ELMO2: variants seen among roughly 807,000 people sequenced by gnomAD.
ELMO2 encodes the protein engulfment and cell motility protein 2.
ELMO2 carries 37 observed loss-of-function variants against 96.2 expected under a neutral mutation model. The ratio of observed to expected loss-of-function variants is 0.38; its 90% confidence interval spans 0.30 to 0.51. The LOEUF is 0.51. Among genes scored for constraint, ELMO2 ranks in the 20% least tolerant of loss-of-function variants. The probability of loss-of-function intolerance (pLI) is 0.88; values close to 1 mark genes in which losing one functional copy is unlikely to be tolerated. For synonymous variants in ELMO2, 315 were observed against 329.4 expected (o/e 0.96, Z 0.47); for missense variants, 561 against 912.6 (o/e 0.61, Z 4.96).
chr20:46,395,847 C>T (rs556788611), intron 2 of ELMO2, among the ~76,000 whole-genome samples: 28 of 152,320 alleles, frequency 1.8e-4, no homozygotes, highest in African/African-American at 6.0e-4. Flanking sequence ...TTGTGTCCTC[C>T]CAGCAGCCCC....
chr20:46,378,545 G>A (rs1181268012), intron 11 of ELMO2, among the ~76,000 whole-genome samples: 1 of 152,202 alleles, frequency 6.6e-6, no homozygotes, highest in Non-Finnish European at 1.5e-5. Flanking sequence ...GTGTACTCCT[G>A]TCACTTGTGG....
At chr20:46,405,307 G>A (rs1272517389) in intron 1 of ELMO2, among the ~76,000 whole-genome samples, 1 of 152,200 alleles carries the variant, frequency 6.6e-6, no homozygotes, top group African/African-American at 2.4e-5. Flanking sequence ...CTTAAGCGGA[G>A]ATCTGAAGGA....
In ELMO2 at chr20:46,376,659, C is replaced by T. The variant is rs775193482; in HGVS notation, c.808-869G>A. 10 of 1,289,598 alleles carry T rather than the reference C, an allele frequency of 7.8e-6. No individual in the cohort carries two copies. In the South Asian group the frequency reaches 1.2e-4, roughly 16 times the overall value. The allele number at this position is 1,289,598 out of a possible 1,614,324, so 79.9% of individuals were successfully genotyped here. A position where few individuals can be genotyped will look rare whatever the true frequency, so the allele number is the denominator to read the frequency against. ...TCCTCACTCCCACAATATCCTGCTT[C>T]CCTTCTTGCTCCCTTGTATTTGTCA... is the stretch of plus-strand genomic sequence containing the variant. On this transcript the variant is annotated intron_variant, in intron 11 of 21. Transcript: ENST00000290246.
chr20:46,373,609 T>G, intron 15 of ELMO2, 74 bp from the exon 16 acceptor site: 1 of 1,572,758 alleles, frequency 6.4e-7, no homozygotes. Context: ...TCTGGAAACT[T>G]TGCACCAAAG....
chr20:46,367,360 T>C lies in ELMO2; in HGVS notation c.2163A>G (p.Ter721TrpextTer40). ...SSYDFVYHYG[*>W] is the part of the protein sequence containing the mutation. ...GGTACCGTCGTTTCTGGCTCCAGGC[T>C]CAGCCATAGTGATAGACAAAGTCAT... The change falls in exon 22 of 22, where the codon TGA (stop) becomes TGG (tryptophan). Residue 721 changes from the stop codon to tryptophan (W), a stop_lost. Transcript: ENST00000290246. The C allele has an allele frequency of 6.6e-7, 1 of 1,524,296 alleles. No homozygotes were observed. Among genetic ancestry groups the C allele is most frequent in the Non-Finnish European group, 8.8e-7 (1 of 1,135,368 alleles). The allele number at this position is 1,524,296 out of a possible 1,614,324, so 94.4% of individuals were successfully genotyped here.
At chr20:46,373,205 A>C in intron 16 of ELMO2, 194 bp downstream of exon 16, 3 of 657,576 alleles carry the variant, frequency 4.6e-6, no homozygotes, top group Middle Eastern at 4.3e-4. Flanking sequence ...ACCAAGTGGA[A>C]GACAAGCTCA....
At chr20:46,389,708 G>A (rs894470846) in intron 6 of ELMO2, among the ~76,000 whole-genome samples, 1 of 152,080 alleles carries the variant, frequency 6.6e-6, no homozygotes, top group Non-Finnish European at 1.5e-5. Flanking sequence ...AATGAGCCAG[G>A]TGTGGTGGTG....
intron 2 of ELMO2, among the ~76,000 whole-genome samples, chr20:46,395,213 C>T (rs1486834582): frequency 6.6e-6 from 1 of 152,136 alleles, no homozygotes; most frequent in Admixed American, 6.5e-5. Flanking sequence ...AAGGACAAGG[C>T]TTTGCAAGTA....
chr20:46,369,976 G>T, intron 20 of ELMO2: 1 of 293,358 alleles, frequency 3.4e-6, no homozygotes, highest in Non-Finnish European at 6.4e-6. Flanking sequence ...GTGTGTGTGT[G>T]TGTGTGTGTG....
Position 46,367,572 on chromosome 20 carries a change from A to C in ELMO2, c.1963-12T>G. 6.3e-7 allele frequency: 1 copy of C among 1,588,878 alleles called. No homozygotes were observed. Among genetic ancestry groups the C allele is most frequent in the Non-Finnish European group, 8.6e-7 (1 of 1,169,376 alleles). ...ATCCAGATGCAGTACTGTGGGGAGC[A>C]AGTTGCAAAATGTCACATCGTGACC... On this transcript the variant is annotated splice_polypyrimidine_tract_variant and intron_variant, in intron 21 of 21. Coordinates refer to ENST00000290246, the MANE Select transcript of ELMO2 (RefSeq NM_133171.5).
At chr20:46,393,937 C>T in intron 4 of ELMO2, 112 bp downstream of exon 4, 1 of 1,406,544 alleles carries the variant, frequency 7.1e-7, no homozygotes, top group Non-Finnish European at 9.9e-7. Context: ...CCAAGACCCC[C>T]ATGCTGAGGA....
intron 2 of ELMO2, among the ~76,000 whole-genome samples, chr20:46,395,857 C>T (rs984687932): frequency 6.6e-6 from 1 of 152,222 alleles, no homozygotes; most frequent in African/African-American, 2.4e-5. Flanking sequence ...CCAGCAGCCC[C>T]ACGAATTAGG....
At position 46,366,336 on chromosome 20, in the gene ELMO2, T is replaced by C. The variant is rs2059586728; in HGVS notation, c.*1024A>G. 6.5e-6 allele frequency: 1 copy of C among 152,706 alleles called. No individual in the cohort carries two copies. Among genetic ancestry groups the C allele is most frequent in the Non-Finnish European group, 1.5e-5 (1 of 68,074 alleles). 9.5% of individuals were successfully genotyped at this position (152,706 alleles called of 1,614,324 possible). ...TACTGAATGCCAATGTGCTAACGTA[T>C]GTCCAGGGAGAGAGGCTGTGTGTGT... On this transcript the variant is annotated 3_prime_UTR_variant, in exon 22 of 22. Coordinates refer to ENST00000290246, the MANE Select transcript of ELMO2 (RefSeq NM_133171.5).
chr20:46,397,448 T>A (rs1309625126), intron 2 of ELMO2, among the ~76,000 whole-genome samples: 1 of 152,198 alleles, frequency 6.6e-6, no homozygotes, highest in Non-Finnish European at 1.5e-5. Context: ...GGTGGGTGGA[T>A]CGCCTGAGGT....
chr20:46,398,020 G>A (rs2060275677), intron 2 of ELMO2, among the ~76,000 whole-genome samples: 1 of 152,142 alleles, frequency 6.6e-6, no homozygotes, highest in Admixed American at 6.5e-5. Flanking sequence ...TATAAATTAA[G>A]CTAGTCTATG....
Position 46,380,567 on chromosome 20 carries a change from AAG to A in ELMO2, c.757-266_757-265del, listed in dbSNP as rs146400221. On this transcript the variant is annotated intron_variant, in intron 10 of 21. Coordinates refer to ENST00000290246, the MANE Select transcript of ELMO2 (RefSeq NM_133171.5). ...GGCACAATCAACTCCACTGTCTTCAAAGAGAGATGAGGACTGCTTGAAGATGA... is the reference window on the plus strand; with the variant it reads ...GGCACAATCAACTCCACTGTCTTCAAAGAGATGAGGACTGCTTGAAGATGA... 8.3e-3 allele frequency among the ~76,000 whole-genome samples: 1,271 copies of A among 152,336 alleles called. 16 individuals are homozygous for A. The highest frequency in any genetic ancestry group is 0.029 in the African/African-American group (1,206 of 41,574).
At chr20:46,372,058 C>T in intron 16 of ELMO2, 89 bp from the exon 17 acceptor site, 1 of 1,553,338 alleles carries the variant, frequency 6.4e-7, no homozygotes, top group East Asian at 2.3e-5. Context: ...TTTCCTGCCC[C>T]AGGGTCTTGA....
At chr20:46,405,916 C>T (rs985010457) in intron 1 of ELMO2, among the ~76,000 whole-genome samples, 1 of 152,170 alleles carries the variant, frequency 6.6e-6, no homozygotes, top group Non-Finnish European at 1.5e-5. Context: ...AAAGGTTTCT[C>T]TGGGCACGGT....
rs531115335 is a variant in ELMO2, at chr20:46,383,771, C to T, written c.678-277G>A. Among the ~76,000 whole-genome samples the T allele has an allele frequency of 4.7e-3, 713 of 152,272 alleles. 10 individuals carry two copies. Among genetic ancestry groups the T allele is most frequent in the South Asian group, 0.015 (73 of 4,830 alleles). The stretch of plus-strand genomic sequence containing the variant: ...GAATGGAAAGTAATCCAAATGGTCA[C>T]ATTAGCCAACATTTATACATATGAG... On this transcript the variant is annotated intron_variant, in intron 9 of 21. Coordinates refer to ENST00000290246, the MANE Select transcript of ELMO2 (RefSeq NM_133171.5).
Sources: gnomAD v4.1 joint callset for allele counts (sites outside exome capture counted in the v4.1 genomes callset) on GRCh38, gnomAD v4.1.1 for gene constraint, MANE v1.5 for transcripts, NCBI Gene and HGNC (gene_info 2026-07-23, HGNC 2026-07-21) for gene names.